The following STARD9 variants were observed in gnomAD, a reference collection of about 807,000 sequenced individuals.
The protein encoded by STARD9 is StAR related lipid transfer domain containing 9.
A neutral mutation model predicts 399.8 loss-of-function variants in STARD9; 346 were observed. The observed-to-expected ratio is 0.87, with a 90% CI of 0.79 to 0.95. STARD9 has a LOEUF of 0.95. Ranked by LOEUF, STARD9 falls within the 40% of genes least tolerant of loss-of-function variation. The pLI, the probability that STARD9 is intolerant of heterozygous loss-of-function variation, is 0.00. For synonymous variants in STARD9, 2,203 were observed against 2,143.5 expected, an observed-to-expected ratio of 1.03 and a Z score of -0.77; for missense variants, 5,832 against 5,667.5, an observed-to-expected ratio of 1.03 and a Z score of -0.93.
chr15:42,664,900 A>G (rs1393186071), intron 13 of STARD9, among the ~76,000 whole-genome samples: 1 of 152,024 alleles, frequency 6.6e-6, no homozygotes, highest in Non-Finnish European at 1.5e-5. Context: ...GAAGGTTAGT[A>G]CCTACTACCT....
At chr15:42,644,499 A>G (rs1326808255) in intron 7 of STARD9, among the ~76,000 whole-genome samples, 1 of 152,196 alleles carries the variant, frequency 6.6e-6, no homozygotes, top group Non-Finnish European at 1.5e-5. Context: ...TCTAAAAAAA[A>G]AAAAAATGTA....
At chr15:42,679,068 G>A (rs181506969) in intron 20 of STARD9, among the ~76,000 whole-genome samples, 173 of 152,330 alleles carry the variant, frequency 1.1e-3, no homozygotes, top group Admixed American at 3.0e-3. Flanking sequence ...AAATCTGAAG[G>A]TTGAGGAGAA....
chr15:42,718,724 C>T (rs1482722529), intron 31 of STARD9, 28 bp from the exon 32 acceptor site: 4 of 1,535,808 alleles, frequency 2.6e-6, no homozygotes, highest in Non-Finnish European at 3.5e-6. Flanking sequence ...ACTACACAGG[C>T]AGGACTCCCA....
At chr15:42,699,362 C>T (rs1439438327) in intron 26 of STARD9, among the ~76,000 whole-genome samples, 7 of 144,290 alleles carry the variant, frequency 4.9e-5, no homozygotes, top group Admixed American at 6.8e-5. Context: ...ATTCTGCTTT[C>T]TTCTTCTATG....
Position 42,689,741 on chromosome 15 carries a change from C to CA in STARD9, c.8164dup (p.Ser2722LysfsTer30). ...CCTCAGCTGATCCTTTGGCCCCAGA[C>CA]AGTCCTCGTTCTTCAGCACCTGTGG... is the stretch of plus-strand genomic sequence containing the variant. On this transcript the variant is annotated frameshift_variant, in exon 23 of 33. Transcript: ENST00000290607. LOFTEE classifies it high-confidence loss of function. 1 of 1,537,856 alleles carries CA rather than the reference C, an allele frequency of 6.5e-7. No homozygotes were observed. Among genetic ancestry groups the CA allele is most frequent in the Non-Finnish European group, 8.7e-7 (1 of 1,147,044 alleles).
chr15:42,686,227 A>C lies in STARD9; in HGVS notation c.4649A>C (p.His1550Pro). The C allele has an allele frequency of 1.3e-6, 2 of 1,537,734 alleles. No individual in the cohort carries two copies. Among genetic ancestry groups the C allele is most frequent in the South Asian group, 1.2e-5 (1 of 84,066 alleles). ...CTGAATCTCAACAACTTTCCAGTCC[A>C]TCTGTCCAGAATCAGGCGTTTGAGG... ...SNLNLNNFPV[H>P]LSRIRRLRAE... is the part of the protein sequence containing the mutation. The change falls in exon 23 of 33, where the codon CAT becomes CCT. Residue 1550 changes from histidine (H) to proline (P), a missense_variant. Coordinates refer to ENST00000290607, the MANE Select transcript of STARD9 (RefSeq NM_020759.3).
At position 42,575,607 on chromosome 15, in the gene STARD9, G is replaced by A; in HGVS notation, c.-109G>A. On this transcript the variant is annotated 5_prime_UTR_variant, in exon 1 of 33. Transcript: ENST00000290607. ...TCGCGTCCGCGCGGCGGCGTCCCCA[G>A]AGGCGCGTGGGGCGGGCGGGGCTGG... 7.9e-7 allele frequency: 1 copy of A among 1,263,658 alleles called. No individual in the cohort carries two copies. Among genetic ancestry groups the A allele is most frequent in the Non-Finnish European group, 1.1e-6 (1 of 923,064 alleles). 78.3% of individuals were successfully genotyped at this position (1,263,658 alleles called of 1,614,324 possible).
At chr15:42,694,761 C>T (rs766178272) in intron 24 of STARD9, 36 bp downstream of exon 24, 65 of 1,513,314 alleles carry the variant, frequency 4.3e-5, no homozygotes, top group Non-Finnish European at 5.7e-5. Context: ...GGAGCAGGCT[C>T]TGTTGGGGGA....
intron 26 of STARD9, among the ~76,000 whole-genome samples, chr15:42,702,585 G>A (rs1415214629): frequency 6.6e-6 from 1 of 152,158 alleles, no homozygotes; most frequent in Non-Finnish European, 1.5e-5. Context: ...TATAATATTA[G>A]AGTTTTCTAA....
chr15:42,625,956 C>A (rs1433510884), intron 3 of STARD9, among the ~76,000 whole-genome samples: 1 of 152,062 alleles, frequency 6.6e-6, no homozygotes, highest in African/African-American at 2.4e-5. Context: ...GAGTCTAGTT[C>A]TGTCGCCCAG....
At chr15:42,674,089 C>A in intron 16 of STARD9, 1 of 438,134 alleles carries the variant, frequency 2.3e-6, no homozygotes, top group Non-Finnish European at 4.5e-6. Context: ...TGTACTTTCT[C>A]GGACTAGAGA....
chr15:42,685,785 A>G lies in STARD9; in HGVS notation c.4207A>G (p.Thr1403Ala). 2.6e-6 allele frequency: 4 copies of G among 1,537,356 alleles called. No homozygotes were observed. Among genetic ancestry groups the G allele is most frequent in the Non-Finnish European group, 3.5e-6 (4 of 1,146,960 alleles). The change falls in exon 23 of 33, where the codon ACT becomes GCT. Residue 1403 changes from threonine to alanine, a missense_variant. By Grantham distance (58) the Thr-to-Ala change is moderately conservative. This residue lies in a region of STARD9 where 5,828 missense variants were observed against 5,651.1 expected (regional missense o/e 1.03). Coordinates refer to ENST00000290607, the MANE Select transcript of STARD9 (RefSeq NM_020759.3). Reference sequence around the variant, plus strand: ...TAGCTCCAAACTGCACCAAGGCAGTACTGAGCTCCTCTGCAGTGCAAGAGA... The same window carrying G: ...TAGCTCCAAACTGCACCAAGGCAGTGCTGAGCTCCTCTGCAGTGCAAGAGA... ...PYSSKLHQGS[T>A]ELLCSARDEH...
intron 3 of STARD9, among the ~76,000 whole-genome samples, chr15:42,599,511 C>T (rs1280387981): frequency 1.3e-5 from 2 of 152,170 alleles, no homozygotes; most frequent in Non-Finnish European, 2.9e-5. Context: ...ACTGCTTGTT[C>T]TTTAAGGTTC....
chr15:42,687,849 G>A lies in STARD9; in HGVS notation c.6271G>A (p.Glu2091Lys). The A allele has an allele frequency of 1.3e-6, 2 of 1,537,290 alleles. No individual in the cohort carries two copies. Among genetic ancestry groups the A allele is most frequent in the African/African-American group, 1.4e-5 (1 of 73,162 alleles). ...GGAGTTGGTGTTCCAGGACCAGAAG[G>A]AGCAGGAGAAGACTGACCATGCCTT... ...DKELVFQDQKEQEKTDHAFRP... is the reference protein window; with the variant it reads ...DKELVFQDQKKQEKTDHAFRP... The change falls in exon 23 of 33, where the codon GAG becomes AAG. Residue 2091 changes from glutamate to lysine, a missense_variant. Coordinates refer to ENST00000290607, the MANE Select transcript of STARD9 (RefSeq NM_020759.3).
intron 3 of STARD9, among the ~76,000 whole-genome samples, chr15:42,607,168 C>T (rs1209780744): frequency 7.0e-6 from 1 of 142,062 alleles, no homozygotes; most frequent in African/African-American, 2.6e-5. Context: ...TTTTCCTTCC[C>T]AGCACAACCC....
intron 3 of STARD9, among the ~76,000 whole-genome samples, chr15:42,622,906 A>G (rs568144969): frequency 1.3e-5 from 2 of 152,308 alleles, no homozygotes; most frequent in African/African-American, 4.8e-5. Flanking sequence ...GTGGGGCTTC[A>G]AGGTAGGGAC....
chr15:42,714,170 C>G (rs1001230643), intron 26 of STARD9, among the ~76,000 whole-genome samples: 1 of 149,374 alleles, frequency 6.7e-6, no homozygotes, highest in African/African-American at 2.5e-5. Flanking sequence ...TCACGCCATT[C>G]TCCTGCCTCA....
intron 23 of STARD9, 72 bp from the exon 24 acceptor site, chr15:42,694,456 C>T (rs957012432): frequency 6.6e-7 from 1 of 1,522,438 alleles, no homozygotes; most frequent in African/African-American, 1.4e-5. Context: ...CTGGGATCTT[C>T]CAGGGGTCAG....
chr15:42,582,671 G>T (rs962804835), intron 1 of STARD9, among the ~76,000 whole-genome samples: 1 of 152,118 alleles, frequency 6.6e-6, no homozygotes, highest in Non-Finnish European at 1.5e-5. Context: ...CGTGTTATAT[G>T]CTGGGCCAAG....
Sources: allele counts gnomAD v4.1 joint callset (sites outside exome capture counted in the v4.1 genomes callset), GRCh38; gene constraint gnomAD v4.1.1; regional missense constraint gnomAD v4.1.1; transcripts MANE v1.5; gene names NCBI Gene and HGNC (gene_info 2026-07-23, HGNC 2026-07-21).